Variants in DOCK1 observed in about 807,000 individuals in gnomAD.
The protein encoded by DOCK1 is dedicator of cytokinesis 1, also known as dedicator of cytokinesis protein 1.
DOCK1 carries 138 observed loss-of-function variants against 262.7 expected under a neutral mutation model. The observed-to-expected ratio is 0.53, with a 90% confidence interval of 0.46 to 0.61. The LOEUF (loss-of-function observed/expected upper bound fraction) is 0.61. Among genes scored for constraint, DOCK1 ranks in the 20% least tolerant of loss-of-function variants. DOCK1 has a pLI of 0.00. For missense variants in DOCK1, 1,908 were observed against 2,370.7 expected (o/e 0.80, Z 4.05); for synonymous variants, 866 against 867.4 (o/e 1.00, Z 0.03).
intron 23 of DOCK1, among the ~76,000 whole-genome samples, chr10:127,068,243 T>A (rs541259266): frequency 2.6e-5 from 4 of 152,202 alleles, no homozygotes; most frequent in African/African-American, 7.2e-5. Flanking sequence ...TGCTGCTTTT[T>A]GTGTATTTAT....
chr10:127,167,515 G>A (rs1237830757), intron 27 of DOCK1, among the ~76,000 whole-genome samples: 1 of 151,866 alleles, frequency 6.6e-6, no homozygotes, highest in Non-Finnish European at 1.5e-5. Flanking sequence ...CCCCCGCCCC[G>A]AAACTTTTAT....
At chr10:127,324,409 A>T (rs767016766) in intron 29 of DOCK1, among the ~76,000 whole-genome samples, 1 of 152,178 alleles carries the variant, frequency 6.6e-6, no homozygotes, top group Non-Finnish European at 1.5e-5. Flanking sequence ...GCAGATGGAG[A>T]AGACAGCCTC....
intron 1 of DOCK1, among the ~76,000 whole-genome samples, chr10:126,949,211 G>C (rs1041243764): frequency 1.3e-5 from 2 of 152,080 alleles, no homozygotes; most frequent in African/African-American, 2.4e-5. Flanking sequence ...ACCTGGGTTG[G>C]GGGACATGGG....
intron 44 of DOCK1, among the ~76,000 whole-genome samples, chr10:127,418,087 T>A (rs1194918555): frequency 1.3e-5 from 2 of 152,144 alleles, no homozygotes; most frequent in African/African-American, 4.8e-5. Flanking sequence ...CACTCAAGGC[T>A]GCGTGTTTTC....
chr10:127,293,760 G>A (rs2061418613), intron 29 of DOCK1, among the ~76,000 whole-genome samples: 3 of 152,330 alleles, frequency 2.0e-5, no homozygotes, highest in African/African-American at 7.2e-5. Context: ...AGGGCCTAAC[G>A]TGTTGGTGGC....
chr10:126,999,262 G>A (rs528941703), intron 8 of DOCK1, 92 bp from the exon 9 acceptor site: 58 of 942,294 alleles, frequency 6.2e-5, no homozygotes, highest in Non-Finnish European at 8.0e-5. Context: ...TATAGTGCAC[G>A]TACATGGTAT....
At chr10:127,095,378 C>G (rs1012393687) in intron 23 of DOCK1, among the ~76,000 whole-genome samples, 4 of 152,202 alleles carry the variant, frequency 2.6e-5, no homozygotes, top group Non-Finnish European at 4.4e-5. Flanking sequence ...TTCTTCTGTT[C>G]TCCTGTGTGC....
intron 6 of DOCK1, among the ~76,000 whole-genome samples, chr10:126,992,863 G>A (rs2039911177): frequency 2.0e-5 from 3 of 151,772 alleles, no homozygotes; most frequent in South Asian, 2.1e-4. Flanking sequence ...TAGATGCATT[G>A]GGCTTCCATG....
chr10:127,404,284 G>A (rs1012009527), intron 39 of DOCK1, 41 bp from the exon 40 acceptor site: 1 of 1,557,612 alleles, frequency 6.4e-7, no homozygotes, highest in Admixed American at 1.8e-5. Flanking sequence ...ACACATGCTT[G>A]AATACTCAAA....
chr10:127,200,641 C>G (rs1317356209), intron 27 of DOCK1, among the ~76,000 whole-genome samples: 4 of 152,166 alleles, frequency 2.6e-5, no homozygotes, highest in Non-Finnish European at 4.4e-5. Context: ...TCAGCTCAGG[C>G]AATCCACCCA....
intron 23 of DOCK1, among the ~76,000 whole-genome samples, chr10:127,069,013 A>G (rs1457711198): frequency 1.3e-5 from 2 of 152,226 alleles, no homozygotes; most frequent in Non-Finnish European, 2.9e-5. Context: ...TGTCTATGGC[A>G]AAGGCCTTGC....
At chr10:126,951,092 A>T (rs1344771896) in intron 1 of DOCK1, among the ~76,000 whole-genome samples, 2 of 149,380 alleles carry the variant, frequency 1.3e-5, no homozygotes, top group Admixed American at 6.7e-5. Context: ...TTTAGTATTG[A>T]TGATAGTGGT....
chr10:126,960,288 C>T (rs1452756002), intron 1 of DOCK1, among the ~76,000 whole-genome samples: 1 of 151,826 alleles, frequency 6.6e-6, no homozygotes, highest in Non-Finnish European at 1.5e-5. Flanking sequence ...ACAGAGAGGT[C>T]AAGGGGTCAC....
chr10:127,184,933 A>T (rs1286819887), intron 27 of DOCK1, among the ~76,000 whole-genome samples: 1 of 152,190 alleles, frequency 6.6e-6, no homozygotes, highest in East Asian at 1.9e-4. Flanking sequence ...CTGGGCACAC[A>T]GGAAAAAACA....
At chr10:127,286,952 TG>T (rs2061176969) in intron 29 of DOCK1, among the ~76,000 whole-genome samples, 1 of 151,770 alleles carries the variant, frequency 6.6e-6, no homozygotes, top group Non-Finnish European at 1.5e-5. Flanking sequence ...CTCGGCTCAC[TG>T]CAAGTTCCAC....
At chr10:126,957,700 G>C (rs1008273019) in intron 1 of DOCK1, among the ~76,000 whole-genome samples, 2 of 152,082 alleles carry the variant, frequency 1.3e-5, no homozygotes, top group African/African-American at 4.8e-5. Context: ...GGCTGGTTTC[G>C]ATCTCATGGG....
intron 43 of DOCK1, among the ~76,000 whole-genome samples, chr10:127,412,544 C>G (rs996699902): frequency 6.6e-6 from 1 of 152,222 alleles, no homozygotes; most frequent in African/African-American, 2.4e-5. Context: ...AGGACCGGCT[C>G]TGCTGAGAAT....
intron 1 of DOCK1, among the ~76,000 whole-genome samples, chr10:126,906,450 C>G (rs1343205698): frequency 3.3e-5 from 5 of 152,158 alleles, no homozygotes; most frequent in Non-Finnish European, 7.3e-5. Flanking sequence ...GGGACTGGGC[C>G]GTGGCTACTC....
intron 29 of DOCK1, among the ~76,000 whole-genome samples, chr10:127,333,569 G>C (rs2063073045): frequency 6.6e-6 from 1 of 152,164 alleles, no homozygotes; most frequent in South Asian, 2.1e-4. Context: ...TTTCCAAATA[G>C]GCAGCTTTGG....
Sources: allele counts gnomAD v4.1 joint callset (sites outside exome capture counted in the v4.1 genomes callset), GRCh38; gene constraint gnomAD v4.1.1; transcripts MANE v1.5; gene names NCBI Gene and HGNC (gene_info 2026-07-23, HGNC 2026-07-21).